SPIDR: variants seen among roughly 807,000 people sequenced by gnomAD.
The protein encoded by SPIDR is scaffold protein involved in DNA repair.
SPIDR carries 93 observed loss-of-function variants against 104.6 expected under a neutral mutation model. That is an observed-to-expected ratio of 0.89 (90% CI 0.75 to 1.06). SPIDR has a LOEUF of 1.06. SPIDR is among the 50% of genes least tolerant of loss of function. SPIDR has a pLI of 0.00. For missense variants in SPIDR, 1,154 were observed against 1,111.2 expected (o/e 1.04, Z -0.55); for synonymous variants, 431 against 416.9 (o/e 1.03, Z -0.41).
chr8:47,614,908 G>A (rs1395597304), intron 10 of SPIDR, among the ~76,000 whole-genome samples: 1 of 151,870 alleles, frequency 6.6e-6, no homozygotes, highest in Non-Finnish European at 1.5e-5. Context: ...GACATGAGAT[G>A]GTATCTCATT....
chr8:47,391,714 A>G (rs1232185921), intron 5 of SPIDR, among the ~76,000 whole-genome samples: 1 of 151,664 alleles, frequency 6.6e-6, no homozygotes. Flanking sequence ...CCAAGAAAAA[A>G]GGCCGGGCGT....
intron 7 of SPIDR, among the ~76,000 whole-genome samples, chr8:47,423,478 T>C (rs1461140599): frequency 6.6e-6 from 1 of 151,654 alleles, no homozygotes; most frequent in Middle Eastern, 3.2e-3. Context: ...GGTTCACGCC[T>C]ACAATCCCAG....
chr8:47,278,375 A>G (rs1301966229), intron 1 of SPIDR, among the ~76,000 whole-genome samples: 2 of 150,724 alleles, frequency 1.3e-5, no homozygotes, highest in Non-Finnish European at 3.0e-5. Context: ...GCTGGAATGC[A>G]GTGGTGCAAT....
intron 11 of SPIDR, among the ~76,000 whole-genome samples, chr8:47,676,897 T>C (rs1295798057): frequency 1.3e-5 from 2 of 152,242 alleles, no homozygotes; most frequent in African/African-American, 4.8e-5. Flanking sequence ...AGCCACCTGC[T>C]TTGGTCCAGA....
At chr8:47,319,271 C>T (rs2046028814) in intron 5 of SPIDR, among the ~76,000 whole-genome samples, 1 of 151,566 alleles carries the variant, frequency 6.6e-6, no homozygotes, top group Admixed American at 6.6e-5. Flanking sequence ...AAATGGAAAA[C>T]AAAAAAAGGC....
At position 47,371,132 on chromosome 8, in the gene SPIDR, T is replaced by A. The variant is rs1476008948; in HGVS notation, c.526-25244T>A. 3.3e-5 allele frequency among the ~76,000 whole-genome samples: 5 copies of A among 151,870 alleles called. No homozygotes were observed. The East Asian group carries it at 7.7e-4, about 23-fold the overall frequency. On this transcript the variant is annotated intron_variant, in intron 5 of 19. Transcript: ENST00000297423. ...CTCCTTGGATAACACAAGCAGGTTT[T>A]TTTTTTTTTTTTTAAGGAAAAAAAA...
In SPIDR at chr8:47,735,667, T is replaced by C. The variant is rs1443207225; in HGVS notation, c.*217T>C. 3 of 985,394 alleles carry C rather than the reference T, an allele frequency of 3.0e-6. No individual in the cohort carries two copies. Among genetic ancestry groups the C allele is most frequent in the Non-Finnish European group, 4.3e-6 (3 of 694,102 alleles). The allele number at this position is 985,394 out of a possible 1,614,324, so 61.0% of individuals were successfully genotyped here. ...CAGTTTATCTTTTATTTTCTGCAAA[T>C]TTAGGAACATATTTACTCGTTTTCA... On this transcript the variant is annotated 3_prime_UTR_variant, in exon 20 of 20. Transcript: ENST00000297423.
chr8:47,596,789 G>C (rs996291049), intron 9 of SPIDR, among the ~76,000 whole-genome samples: 1 of 151,808 alleles, frequency 6.6e-6, no homozygotes, highest in African/African-American at 2.4e-5. Context: ...ACATTGTACA[G>C]CTATAAAAAA....
chr8:47,388,211 A>G (rs1358509260), intron 5 of SPIDR: 1 of 152,192 alleles, frequency 6.6e-6, no homozygotes, highest in African/African-American at 2.4e-5. Context: ...TGTGAGCCAT[A>G]CTTATATCTG....
intron 5 of SPIDR, among the ~76,000 whole-genome samples, chr8:47,366,289 G>A (rs2057196278): frequency 6.6e-6 from 1 of 152,094 alleles, no homozygotes; most frequent in Non-Finnish European, 1.5e-5. Flanking sequence ...TATGACTTTG[G>A]GGTCCAGGGG....
chr8:47,438,140 AGTGCGCAGAACCAAGAGCCT>A (rs1554693707), intron 7 of SPIDR, among the ~76,000 whole-genome samples: 1 of 152,208 alleles, frequency 6.6e-6, no homozygotes. Context: ...GGGCTGCCAC[AGTGCGCAGAACCAAGAGCCT>A]GTGCTCAGCT....
intron 5 of SPIDR, among the ~76,000 whole-genome samples, chr8:47,335,343 A>AC (rs2049489870): frequency 6.6e-6 from 1 of 152,094 alleles, no homozygotes; most frequent in African/African-American, 2.4e-5. Context: ...CTGACAAGAT[A>AC]TTTTTCCTTC....
intron 5 of SPIDR, among the ~76,000 whole-genome samples, chr8:47,342,533 C>T (rs1424420540): frequency 6.6e-6 from 1 of 151,812 alleles, no homozygotes; most frequent in Non-Finnish European, 1.5e-5. Flanking sequence ...GAAGTGGTTT[C>T]ACCATGTTGG....
At chr8:47,279,706 T>A (rs1196837009) in intron 1 of SPIDR, among the ~76,000 whole-genome samples, 156 bp from the exon 2 acceptor site, 7 of 152,264 alleles carry the variant, frequency 4.6e-5, no homozygotes, top group Non-Finnish European at 1.0e-4. Context: ...GCTGTCCGGT[T>A]GCTCTTTATG....
intron 14 of SPIDR, among the ~76,000 whole-genome samples, chr8:47,706,524 C>T (rs1327481887): frequency 3.3e-5 from 5 of 152,202 alleles, no homozygotes; most frequent in Admixed American, 2.6e-4. Context: ...GCAGTTTTGT[C>T]ACATGTACAG....
intron 11 of SPIDR, among the ~76,000 whole-genome samples, chr8:47,699,265 CT>C (rs1452354134): frequency 6.6e-6 from 1 of 152,212 alleles, no homozygotes; most frequent in Non-Finnish European, 1.5e-5. Flanking sequence ...CACATACGTT[CT>C]TTACTTCCTT....
At chr8:47,692,131 G>C (rs1563560874) in intron 11 of SPIDR, among the ~76,000 whole-genome samples, 1 of 152,192 alleles carries the variant, frequency 6.6e-6, no homozygotes, top group Non-Finnish European at 1.5e-5. Context: ...AGTGGCCCCT[G>C]TCTTAAGTTA....
At chr8:47,688,496 C>G (rs1168218082) in intron 11 of SPIDR, 2 of 152,332 alleles carry the variant, frequency 1.3e-5, no homozygotes, top group East Asian at 3.9e-4. Context: ...GTGGGGGACC[C>G]TTACAAAAGA....
At chr8:47,729,555 T>C in intron 19 of SPIDR, 90 bp downstream of exon 19, 1 of 1,444,422 alleles carries the variant, frequency 6.9e-7, no homozygotes, top group South Asian at 1.2e-5. Flanking sequence ...CTCCCAAATG[T>C]GTTCTATTAC....
Sources: allele counts gnomAD v4.1 joint callset (sites outside exome capture counted in the v4.1 genomes callset), GRCh38; gene constraint gnomAD v4.1.1; transcripts MANE v1.5; gene names NCBI Gene and HGNC (gene_info 2026-07-23, HGNC 2026-07-21).